Variants in BUB1 observed in about 807,000 individuals in gnomAD.
BUB1 encodes mitotic checkpoint serine/threonine-protein kinase BUB1.
In BUB1, 84 loss-of-function variants were observed where a neutral mutation model predicts 135.2. The observed-to-expected ratio is 0.62, with a 90% confidence interval of 0.52 to 0.74. The LOEUF (loss-of-function observed/expected upper bound fraction) is 0.74. BUB1 is among the 30% of genes least tolerant of loss of function. The pLI is 0.00. For missense variants in BUB1, 1,162 were observed against 1,288.3 expected (o/e 0.90, Z 1.50); for synonymous variants, 403 against 434.4 (o/e 0.93, Z 0.90).
chr2:110,667,322 G>C (rs1290900192), intron 8 of BUB1, among the ~76,000 whole-genome samples, 199 bp downstream of exon 8: 1 of 152,034 alleles, frequency 6.6e-6, no homozygotes, highest in Non-Finnish European at 1.5e-5. Context: ...AAAAAAAAGT[G>C]CAGCTTGCTG....
Position 110,658,414 on chromosome 2 carries a change from A to G in BUB1, c.1512T>C (p.Phe504=). ...TAGCTTTTAAATAGTTATTACTTTG[A>G]AACTGGGCTTCAAATGCATCTTCAT... ...DQNEDAFEAQ[F]QKNVRSSGAW... is the part of the protein sequence containing the mutation. Residue 504 remains phenylalanine (F), a synonymous_variant, in exon 13 of 25, where the codon TTT becomes TTC. Transcript: ENST00000302759. 6.2e-7 allele frequency: 1 copy of G among 1,610,126 alleles called. No homozygotes were observed. Among genetic ancestry groups the G allele is most frequent in the Non-Finnish European group, 8.5e-7 (1 of 1,177,082 alleles).
intron 9 of BUB1, among the ~76,000 whole-genome samples, chr2:110,663,390 T>G (rs1429953831): frequency 6.6e-6 from 1 of 152,144 alleles, no homozygotes; most frequent in Non-Finnish European, 1.5e-5. Context: ...ATATGAAAAT[T>G]TAGTACATGG....
chr2:110,649,363 T>C lies in BUB1; in HGVS notation c.2218A>G (p.Asn740Asp), dbSNP rs553007593. The change falls in exon 19 of 25, where the codon AAC (asparagine) becomes GAC (aspartate). Residue 740 changes from asparagine (N) to aspartate (D), a missense_variant. By Grantham distance (23) the Asn-to-Asp change is conservative. Transcript: ENST00000302759. ...AAAATCAGCTTATCATCCCATGGGT[T>C]CCCAACAATGAAGTCTTAAAGGAAT... ...TVDAPNFIVGNPWDDKLIFKL... is the reference protein window; with the variant it reads ...TVDAPNFIVGDPWDDKLIFKL... The C allele has an allele frequency of 1.9e-6, 3 of 1,584,138 alleles. No homozygotes were observed. Among genetic ancestry groups the C allele is most frequent in the East Asian group, 2.3e-5 (1 of 44,342 alleles).
chr2:110,641,033 C>G lies in BUB1; in HGVS notation c.2955+1G>C, dbSNP rs1689487212. On this transcript the variant is annotated splice_donor_variant, in intron 23 of 24. Transcript: ENST00000302759. LOFTEE classifies it high-confidence loss of function. ...CCAAGTCCCTCACTTTAGTTTTATA[C>G]CTGGTAGTTCCATGGTTTGTTGCTG... is the stretch of plus-strand genomic sequence containing the variant. 1.9e-6 allele frequency: 3 copies of G among 1,559,020 alleles called. No homozygotes were observed. The highest frequency in any genetic ancestry group is 8.7e-7 in the Non-Finnish European group (1 of 1,155,932).
chr2:110,650,215 G>A (rs1689745157), intron 18 of BUB1, among the ~76,000 whole-genome samples: 2 of 132,220 alleles, frequency 1.5e-5, no homozygotes, highest in South Asian at 2.9e-4. Flanking sequence ...GGCGGGGGGG[G>A]GTGTCTCTTT....
At chr2:110,642,563 C>T (rs1689533228) in intron 19 of BUB1, 1 of 168,978 alleles carries the variant, frequency 5.9e-6, no homozygotes, top group Non-Finnish European at 1.3e-5. Flanking sequence ...ATGACCTTGA[C>T]AGTTCCAAAG....
At chr2:110,641,932 T>A (rs1689517034) in intron 20 of BUB1, 129 bp from the exon 21 acceptor site, 1 of 1,162,040 alleles carries the variant, frequency 8.6e-7, no homozygotes. Flanking sequence ...GTTGCTGCAA[T>A]GTGGGGCTTG....
intron 1 of BUB1, 82 bp from the exon 2 acceptor site, chr2:110,674,447 T>C (rs139559700): frequency 7.8e-7 from 1 of 1,278,234 alleles, no homozygotes; most frequent in Non-Finnish European, 1.1e-6. Context: ...ATATATACCA[T>C]TTATGTGCAT....
chr2:110,671,084 T>C (rs969236146), intron 4 of BUB1, among the ~76,000 whole-genome samples: 21 of 152,240 alleles, frequency 1.4e-4, no homozygotes, highest in African/African-American at 5.1e-4. Flanking sequence ...GCAATTCCCA[T>C]GCCTGACATT....
chr2:110,660,638 C>A (rs1359445370), intron 10 of BUB1, among the ~76,000 whole-genome samples: 1 of 152,036 alleles, frequency 6.6e-6, no homozygotes, highest in East Asian at 1.9e-4. Flanking sequence ...GGATAAGAAC[C>A]ATCTCTATAT....
intron 1 of BUB1, among the ~76,000 whole-genome samples, chr2:110,674,682 A>C (rs1690524259): frequency 6.6e-6 from 1 of 152,210 alleles, no homozygotes; most frequent in Non-Finnish European, 1.5e-5. Context: ...TACCACCATG[A>C]GGGGCAGTTG....
intron 9 of BUB1, 138 bp from the exon 10 acceptor site, chr2:110,661,979 C>G: frequency 1.0e-6 from 1 of 1,003,166 alleles, no homozygotes; most frequent in East Asian, 2.6e-5. Context: ...CATACTCCTT[C>G]TTCAAGCATT....
rs376649190 is a variant in BUB1, at chr2:110,653,457, G to C, written c.1943C>G (p.Pro648Arg). The C allele has an allele frequency of 3.7e-5, 59 of 1,613,884 alleles. No homozygotes were observed. In the African/African-American group the frequency reaches 5.5e-4, roughly 15 times the overall value. ...LDSCEENMVV[P>R]SRDGKFSPIQ... is the part of the protein sequence containing the mutation. ...ATACCTGAATTTTCCATCCCTTGAA[G>C]GCACCACCATGTTTTCCTCACAAGA... The change falls in exon 17 of 25, where the codon CCT becomes CGT. Residue 648 changes from proline (P) to arginine (R), a missense_variant. By Grantham distance (103) the Pro-to-Arg change is moderately radical. Coordinates refer to ENST00000302759, the MANE Select transcript of BUB1 (RefSeq NM_004336.5).
intron 13 of BUB1, among the ~76,000 whole-genome samples, chr2:110,657,922 T>C (rs887819679): frequency 6.6e-6 from 1 of 152,202 alleles, no homozygotes; most frequent in African/African-American, 2.4e-5. Flanking sequence ...CCTGACTCAC[T>C]CAATAAACGC....
rs765224314 is a variant in BUB1 at position 110,674,094 on chromosome 2, A to G, written c.217T>C (p.Leu73=). ...ATCTTAAGTATACTTACAAATTTTA[A>G]ACAATAACTGATGAATCTTGGGTCA... ...HNDPRFISYC[L]KFAEYNSDLH... is the part of the protein sequence containing the mutation. The change falls in exon 3 of 25, where the codon TTA becomes CTA. Residue 73 remains leucine, a synonymous_variant. Transcript: ENST00000302759. 25 of 1,523,386 alleles carry G rather than the reference A, an allele frequency of 1.6e-5. No individual in the cohort carries two copies. The highest frequency in any genetic ancestry group is 2.2e-5 in the Non-Finnish European group (24 of 1,106,474). The allele number at this position is 1,523,386 out of a possible 1,614,324, so 94.4% of individuals were successfully genotyped here.
chr2:110,641,992 T>C, intron 20 of BUB1, 127 bp downstream of exon 20: 1 of 1,015,460 alleles, frequency 9.8e-7, no homozygotes. Context: ...TTGTAGTTTT[T>C]GTTTTTTAAT....
intron 23 of BUB1, among the ~76,000 whole-genome samples, chr2:110,640,322 C>G (rs1472314702): frequency 2.6e-5 from 4 of 152,092 alleles, no homozygotes; most frequent in Admixed American, 2.6e-4. Flanking sequence ...GACAACATAC[C>G]AGAAACAAGA....
intron 16 of BUB1, 107 bp downstream of exon 16, chr2:110,655,632 C>A: frequency 9.3e-7 from 1 of 1,076,546 alleles, no homozygotes; most frequent in Non-Finnish European, 1.3e-6. Flanking sequence ...TTTCAAAGTT[C>A]CCATGTGGAA....
chr2:110,669,206 G>A (rs1297528140), intron 6 of BUB1, among the ~76,000 whole-genome samples: 2 of 152,324 alleles, frequency 1.3e-5, no homozygotes, highest in East Asian at 3.9e-4. Flanking sequence ...AGCTGGTGGG[G>A]AGAGTAAAGA....
Sources: allele counts gnomAD v4.1 joint callset (sites outside exome capture counted in the v4.1 genomes callset), GRCh38; gene constraint gnomAD v4.1.1; transcripts MANE v1.5; gene names NCBI Gene and HGNC (gene_info 2026-07-23, HGNC 2026-07-21).